The following CR1L variants were observed in gnomAD, a reference collection of about 807,000 sequenced individuals.
CR1L encodes the protein complement C3b/C4b receptor 1 like, also known as complement component receptor 1-like protein.
CR1L carries 59 observed loss-of-function variants against 62.3 expected under a neutral mutation model. That is an observed-to-expected ratio of 0.95 (90% CI 0.77 to 1.18). The LOEUF is 1.18. CR1L is among the 50% of genes most tolerant of loss of function. CR1L has a pLI of 0.00. For missense variants in CR1L, 700 were observed against 702.8 expected (o/e 1.00, Z 0.04); for synonymous variants, 279 against 248.7 (o/e 1.12, Z -1.15).
At position 207,652,072 on chromosome 1, in the gene CR1L, AAAG is replaced by A. The variant is rs201059221; in HGVS notation, c.97+6748_97+6750del. 7.3e-3 allele frequency among the ~76,000 whole-genome samples: 1,109 copies of A among 152,330 alleles called. 10 individuals carry two copies. The highest frequency in any genetic ancestry group is 0.025 in the African/African-American group (1,032 of 41,574). ...ACAAGGTGGGTAGAGTGTAGTAGAAAAAGAAGAACATGGTCCTTGACCCCCAGG... is the reference window on the plus strand; with the variant it reads ...ACAAGGTGGGTAGAGTGTAGTAGAAAAAGAACATGGTCCTTGACCCCCAGG... On this transcript the variant is annotated intron_variant, in intron 1 of 11. Coordinates refer to ENST00000508064, the MANE Select transcript of CR1L (RefSeq NM_175710.2).
Position 207,694,592 on chromosome 1 carries a change from G to A in CR1L, c.703G>A (p.Val235Met). Residue 235 changes from valine (V) to methionine (M), a missense_variant, in exon 5 of 12, where the codon GTG becomes ATG. Val to Met is a conservative substitution (Grantham distance 21, BLOSUM62 1). Transcript: ENST00000508064. ...ACCTAACAAATGCACGCCTCCAAAT[G>A]TGGAAAATGGAATATTGGTATCTGA... ...IIPNKCTPPN[V>M]ENGILVSDNR... The A allele has an allele frequency of 6.2e-7, 1 of 1,611,972 alleles. No individual in the cohort carries two copies. The highest frequency in any genetic ancestry group is 8.5e-7 in the Non-Finnish European group (1 of 1,179,730).
intron 1 of CR1L, among the ~76,000 whole-genome samples, chr1:207,661,070 T>C (rs941107176): frequency 5.9e-5 from 9 of 152,236 alleles, no homozygotes; most frequent in African/African-American, 2.2e-4. Flanking sequence ...TCCAACTATG[T>C]GGTCAATTTT....
intron 1 of CR1L, among the ~76,000 whole-genome samples, chr1:207,671,589 C>A (rs1468799534): frequency 6.6e-6 from 1 of 150,794 alleles, no homozygotes; most frequent in Non-Finnish European, 1.5e-5. Flanking sequence ...AATTGATATG[C>A]CAGTAAGGAA....
chr1:207,658,792 C>T (rs1205666926), intron 1 of CR1L: 4 of 152,342 alleles, frequency 2.6e-5, no homozygotes, highest in African/African-American at 9.6e-5. Flanking sequence ...GGTATCAGAC[C>T]TTTGCTGTCT....
chr1:207,677,601 A>C (rs752119248), intron 2 of CR1L, 33 bp downstream of exon 2: 10 of 1,597,960 alleles, frequency 6.3e-6, no homozygotes, highest in Non-Finnish European at 7.7e-6. Flanking sequence ...CCCCTCTGTT[A>C]GTCAAACATC....
Position 207,662,967 on chromosome 1 carries a change from T to C in CR1L, c.98-14422T>C, listed in dbSNP as rs143873672. ...GCGGTGGCTGCAGAACAGCGGATAC[T>C]GGTGAACTGCAAATGCTGCTGCCTG... On this transcript the variant is annotated intron_variant, in intron 1 of 11. Coordinates refer to ENST00000508064, the MANE Select transcript of CR1L (RefSeq NM_175710.2). Among the ~76,000 whole-genome samples, 920 of 152,344 alleles carry C rather than the reference T, an allele frequency of 6.0e-3. 6 individuals are homozygous for C. Among genetic ancestry groups the C allele is most frequent in the African/African-American group, 0.021 (864 of 41,574 alleles).
Position 207,697,599 on chromosome 1 carries a change from C to T in CR1L, c.959C>T (p.Pro320Leu), listed in dbSNP as rs767267151. Residue 320 changes from proline (P) to leucine (L), a missense_variant, in exon 6 of 12, where the codon CCC becomes CTC. Coordinates refer to ENST00000508064, the MANE Select transcript of CR1L (RefSeq NM_175710.2). ...CAGGAAGTGTTCTACAGCTGTGAGC[C>T]CGGCTACGACCTCAGAGGATCTACG... Reference protein sequence around the residue: ...PGQEVFYSCEPGYDLRGSTYL... With the variant: ...PGQEVFYSCELGYDLRGSTYL... 6.2e-7 allele frequency: 1 copy of T among 1,613,892 alleles called. No homozygotes were observed. The highest frequency in any genetic ancestry group is 1.1e-5 in the South Asian group (1 of 91,078).
intron 1 of CR1L, among the ~76,000 whole-genome samples, chr1:207,647,050 C>G (rs1376246818): frequency 1.3e-5 from 2 of 150,226 alleles, no homozygotes; most frequent in Non-Finnish European, 1.5e-5. Context: ...GGAAGATAAG[C>G]AGGGACTTTT....
intron 1 of CR1L, among the ~76,000 whole-genome samples, chr1:207,654,010 C>T (rs1663268428): frequency 6.6e-6 from 1 of 152,174 alleles, no homozygotes; most frequent in African/African-American, 2.4e-5. Context: ...TAACAACCTG[C>T]TCTTGTGGTA....
chr1:207,697,435 G>A, intron 5 of CR1L, 68 bp from the exon 6 acceptor site: 1 of 1,611,908 alleles, frequency 6.2e-7, no homozygotes, highest in East Asian at 2.2e-5. Flanking sequence ...TTATTCCCTT[G>A]GCCAGTTTAA....
At chr1:207,657,128 T>C (rs772910453) in intron 1 of CR1L, 50 of 752,216 alleles carry the variant, frequency 6.6e-5, no homozygotes, top group South Asian at 5.8e-4. Context: ...TTAAGAGATT[T>C]TGTGCACATG....
chr1:207,692,473 C>A (rs942831613), intron 4 of CR1L, among the ~76,000 whole-genome samples: 1 of 152,186 alleles, frequency 6.6e-6, no homozygotes, highest in Admixed American at 6.5e-5. Flanking sequence ...CTGGTGACCA[C>A]CTCTCCATGG....
intron 5 of CR1L, among the ~76,000 whole-genome samples, chr1:207,695,130 GTT>G (rs1664056312): frequency 6.6e-6 from 1 of 152,070 alleles, no homozygotes; most frequent in African/African-American, 2.4e-5. Context: ...AGGTTTGTCT[GTT>G]TTGTTTTGCT....
intron 10 of CR1L, among the ~76,000 whole-genome samples, chr1:207,715,161 G>A (rs1254257915): frequency 6.6e-6 from 1 of 152,144 alleles, no homozygotes; most frequent in Non-Finnish European, 1.5e-5. Context: ...GATCCCTAAT[G>A]AACTAAGACT....
Position 207,694,732 on chromosome 1 carries a change from G to A in CR1L, c.843G>A (p.Glu281=). The change falls in exon 5 of 12, where the codon GAG becomes GAA. Residue 281 remains glutamate, a synonymous_variant. Coordinates refer to ENST00000508064, the MANE Select transcript of CR1L (RefSeq NM_175710.2). ...AGGCCCTGAACAAATGGGAGCCAGA[G>A]TTACCAAGCTGCTCCAGGGGTGAGT... The part of the protein sequence containing the change: ...KCQALNKWEP[E]LPSCSRVCQP... 6.2e-7 allele frequency: 1 copy of A among 1,611,910 alleles called. No homozygotes were observed. Among genetic ancestry groups the A allele is most frequent in the Admixed American group, 1.7e-5 (1 of 60,022 alleles).
intron 1 of CR1L, among the ~76,000 whole-genome samples, chr1:207,646,584 G>T (rs1663129364): frequency 6.6e-6 from 1 of 151,750 alleles, no homozygotes. Flanking sequence ...GGTGGTGTAT[G>T]CCCGTGGTCC....
In CR1L at chr1:207,701,499, A is replaced by G. The variant is rs374964662; in HGVS notation, c.1229-20A>G. On this transcript the variant is annotated intron_variant, in intron 8 of 11. Transcript: ENST00000508064. ...GTTCAGATTACTCTACCTGGCTCCAAAACATTTTCTTTCCCACAGGTAAAT... is the reference window on the plus strand; with the variant it reads ...GTTCAGATTACTCTACCTGGCTCCAGAACATTTTCTTTCCCACAGGTAAAT... The G allele has an allele frequency of 3.9e-5, 63 of 1,613,256 alleles. No homozygotes were observed. The highest frequency in any genetic ancestry group is 4.8e-5 in the Non-Finnish European group (57 of 1,179,438).
At chr1:207,685,259 A>G (rs1663882958) in intron 4 of CR1L, among the ~76,000 whole-genome samples, 1 of 152,218 alleles carries the variant, frequency 6.6e-6, no homozygotes, top group Non-Finnish European at 1.5e-5. Flanking sequence ...AAGATTTACA[A>G]TACATGCTTT....
chr1:207,656,925 T>A (rs1387714966), intron 1 of CR1L, among the ~76,000 whole-genome samples: 1 of 152,184 alleles, frequency 6.6e-6, no homozygotes, highest in Non-Finnish European at 1.5e-5. Context: ...ATGAGATTTG[T>A]TCTGAAAGTT....
Sources: gnomAD v4.1 joint callset for allele counts (sites outside exome capture counted in the v4.1 genomes callset) on GRCh38, gnomAD v4.1.1 for gene constraint, MANE v1.5 for transcripts, NCBI Gene and HGNC (gene_info 2026-07-23, HGNC 2026-07-21) for gene names.